Variants in NBEA observed in about 807,000 individuals in gnomAD.
NBEA encodes the protein lysosomal-trafficking regulator 2.
Under a neutral mutation model 343.4 loss-of-function variants are expected in NBEA, and 44 were observed. The ratio of observed to expected loss-of-function variants is 0.13; its 90% CI spans 0.10 to 0.16. The LOEUF (loss-of-function observed/expected upper bound fraction) is 0.16. NBEA is among the 10% of genes least tolerant of loss of function. NBEA has a pLI of 1.00. For missense variants in NBEA, 2,555 were observed against 3,631.3 expected (o/e 0.70, Z 7.62); for synonymous variants, 1,175 against 1,238.7 (o/e 0.95, Z 1.08).
chr13:35,249,649 A>G (rs2031714759), intron 34 of NBEA, among the ~76,000 whole-genome samples: 1 of 152,224 alleles, frequency 6.6e-6, no homozygotes, highest in Non-Finnish European at 1.5e-5. Flanking sequence ...TGCAGCCAGT[A>G]TGGAAAACAG....
intron 1 of NBEA, among the ~76,000 whole-genome samples, chr13:35,021,778 G>A (rs1269080302): frequency 6.6e-6 from 1 of 152,062 alleles, no homozygotes; most frequent in Non-Finnish European, 1.5e-5. Context: ...CCTTTGTGCT[G>A]TTGTTGTTAC....
intron 40 of NBEA, among the ~76,000 whole-genome samples, chr13:35,466,266 T>C (rs1217884298): frequency 6.6e-6 from 1 of 152,204 alleles, no homozygotes; most frequent in Non-Finnish European, 1.5e-5. Context: ...AGAAGTCACC[T>C]AGCAGCATCA....
chr13:34,996,552 A>G (rs576771724), intron 1 of NBEA, among the ~76,000 whole-genome samples: 2 of 152,110 alleles, frequency 1.3e-5, no homozygotes, highest in Non-Finnish European at 2.9e-5. Flanking sequence ...GAAGTGATTT[A>G]TAGTATATTT....
intron 8 of NBEA, among the ~76,000 whole-genome samples, chr13:35,062,993 T>C (rs2063519292): frequency 6.6e-6 from 1 of 151,914 alleles, no homozygotes; most frequent in South Asian, 2.1e-4. Context: ...ATTAACAAAG[T>C]CAAAATTGCA....
intron 10 of NBEA, among the ~76,000 whole-genome samples, chr13:35,080,128 T>A (rs2064313422): frequency 6.6e-6 from 1 of 152,166 alleles, no homozygotes; most frequent in South Asian, 2.1e-4. Context: ...GTTGGCACCT[T>A]CAAATTATTT....
At chr13:35,528,206 AGGCCAC>A (rs576123783) in intron 41 of NBEA, among the ~76,000 whole-genome samples, 233 of 152,348 alleles carry the variant, frequency 1.5e-3, no homozygotes, top group Non-Finnish European at 2.9e-3. Context: ...TAGAAGGGCC[AGGCCAC>A]TCACATAGAT....
intron 24 of NBEA, chr13:35,164,953 A>G: frequency 2.6e-6 from 1 of 389,282 alleles, no homozygotes; most frequent in Non-Finnish European, 5.1e-6. Flanking sequence ...TGTGTATGTC[A>G]TTTAAAATAA....
intron 1 of NBEA, among the ~76,000 whole-genome samples, chr13:35,013,933 C>G (rs572553355): frequency 2.6e-5 from 4 of 152,120 alleles, no homozygotes; most frequent in African/African-American, 7.2e-5. Flanking sequence ...TCTGCTTTAA[C>G]ATGTATAATT....
chr13:35,281,767 A>C (rs563698433), intron 34 of NBEA, among the ~76,000 whole-genome samples: 1 of 152,248 alleles, frequency 6.6e-6, no homozygotes, highest in Admixed American at 6.5e-5. Context: ...AATTTATTTA[A>C]ATTTGTGAAC....
At chr13:35,433,274 GAATTTTA>G (rs1208203565) in intron 39 of NBEA, among the ~76,000 whole-genome samples, 1 of 152,030 alleles carries the variant, frequency 6.6e-6, no homozygotes, top group Non-Finnish European at 1.5e-5. Flanking sequence ...GGGTATATCA[GAATTTTA>G]CAAACCACAT....
intron 1 of NBEA, among the ~76,000 whole-genome samples, chr13:35,034,398 G>C (rs1057307067): frequency 6.6e-6 from 1 of 151,832 alleles, no homozygotes; most frequent in Non-Finnish European, 1.5e-5. Context: ...ATGTATTGTT[G>C]AATTTGGTGT....
At chr13:35,409,731 G>A (rs1204062311) in intron 38 of NBEA, among the ~76,000 whole-genome samples, 3 of 152,098 alleles carry the variant, frequency 2.0e-5, no homozygotes, top group African/African-American at 7.2e-5. Context: ...GAGCAATACA[G>A]GGGAAAAGGA....
intron 36 of NBEA, among the ~76,000 whole-genome samples, chr13:35,310,047 G>C (rs770578899): frequency 6.6e-6 from 1 of 151,484 alleles, no homozygotes; most frequent in South Asian, 2.1e-4. Flanking sequence ...TATCTGTCTC[G>C]GTTAGAAATT....
chr13:35,417,457 A>C (rs564488498), intron 38 of NBEA, among the ~76,000 whole-genome samples: 1 of 152,194 alleles, frequency 6.6e-6, no homozygotes, highest in Non-Finnish European at 1.5e-5. Context: ...ATTGGTTTCA[A>C]AGAACATCTT....
intron 1 of NBEA, among the ~76,000 whole-genome samples, chr13:35,002,899 C>A (rs895424384): frequency 6.6e-6 from 1 of 152,008 alleles, no homozygotes; most frequent in African/African-American, 2.4e-5. Flanking sequence ...GTGAATATGG[C>A]GGATGAGGCA....
At chr13:35,599,397 T>C (rs533808400) in intron 47 of NBEA, among the ~76,000 whole-genome samples, 5 of 152,340 alleles carry the variant, frequency 3.3e-5, no homozygotes, top group Middle Eastern at 6.8e-3. Flanking sequence ...AGCTAACCTC[T>C]AAGCCACACA....
chr13:35,110,586 T>G (rs1566300503), intron 12 of NBEA, among the ~76,000 whole-genome samples: 1 of 152,098 alleles, frequency 6.6e-6, no homozygotes, highest in Non-Finnish European at 1.5e-5. Flanking sequence ...TTGCCACAGC[T>G]GTTGGACTAC....
chr13:35,140,177 A>T (rs1032607167), intron 17 of NBEA, among the ~76,000 whole-genome samples: 2 of 143,692 alleles, frequency 1.4e-5, no homozygotes, highest in African/African-American at 5.1e-5. Flanking sequence ...TGCCCAGCTA[A>T]TTTTTTTTTT....
At chr13:35,430,121 A>T (rs761269512) in intron 38 of NBEA, among the ~76,000 whole-genome samples, 1 of 148,344 alleles carries the variant, frequency 6.7e-6, no homozygotes, top group African/African-American at 2.5e-5. Context: ...CCACACCAAC[A>T]TTTTTTTTTT....
Sources: allele counts gnomAD v4.1 joint callset (sites outside exome capture counted in the v4.1 genomes callset), GRCh38; gene constraint gnomAD v4.1.1; transcripts MANE v1.5; gene names NCBI Gene and HGNC (gene_info 2026-07-23, HGNC 2026-07-21).